STON2: variants seen among roughly 807,000 people sequenced by gnomAD.
The protein encoded by STON2 is stonin 2.
STON2 carries 29 observed loss-of-function variants against 65.7 expected under a neutral mutation model. The observed-to-expected ratio is 0.44, with a 90% confidence interval of 0.33 to 0.60. The LOEUF is 0.60. STON2 is among the 20% of genes least tolerant of loss of function. The probability of loss-of-function intolerance (pLI) is 0.03; values close to 1 mark genes in which losing one functional copy is unlikely to be tolerated. For missense variants in STON2, 1,054 were observed against 1,118.1 expected, an observed-to-expected ratio of 0.94 and a Z score of 0.82; for synonymous variants, 404 against 414.2, an observed-to-expected ratio of 0.98 and a Z score of 0.30.
At chr14:81,358,579 A>C (rs75967111) in intron 4 of STON2, among the ~76,000 whole-genome samples, 1,825 of 152,314 alleles carry the variant, frequency 0.012, 41 homozygotes, top group African/African-American at 0.041. Flanking sequence ...AATTGATTAA[A>C]TTACTCAATA....
intron 5 of STON2, among the ~76,000 whole-genome samples, chr14:81,299,898 T>TTTTTTG (rs59997170): frequency 6.6e-6 from 1 of 151,428 alleles, no homozygotes; most frequent in African/African-American, 2.4e-5. Flanking sequence ...TTTTTTTTTT[T>TTTTTTG]AAATTGATCT....
chr14:81,339,973 T>C (rs371077448), intron 4 of STON2, among the ~76,000 whole-genome samples: 111 of 151,904 alleles, frequency 7.3e-4, no homozygotes, highest in African/African-American at 2.5e-3. Flanking sequence ...GCTAACACGA[T>C]GAAACCCCAT....
At chr14:81,385,384 C>T (rs1595427119) in intron 3 of STON2, among the ~76,000 whole-genome samples, 1 of 151,918 alleles carries the variant, frequency 6.6e-6, no homozygotes, top group African/African-American at 2.4e-5. Flanking sequence ...TTAAAGCAGG[C>T]CTCAGGAAAA....
At chr14:81,355,632 T>G (rs190236682) in intron 4 of STON2, among the ~76,000 whole-genome samples, 1 of 152,336 alleles carries the variant, frequency 6.6e-6, no homozygotes, top group East Asian at 1.9e-4. Context: ...ACCTTATAGG[T>G]ACTGATAAGT....
intron 5 of STON2, among the ~76,000 whole-genome samples, chr14:81,303,468 G>A (rs1046013634): frequency 3.9e-5 from 6 of 152,170 alleles, no homozygotes; most frequent in Non-Finnish European, 8.8e-5. Flanking sequence ...AGGCAGAAGT[G>A]CCCTTTGCCC....
chr14:81,347,511 CAAT>C (rs1897852564), intron 4 of STON2, among the ~76,000 whole-genome samples: 1 of 149,586 alleles, frequency 6.7e-6, no homozygotes, highest in Non-Finnish European at 1.5e-5. Flanking sequence ...GAATTAACAT[CAAT>C]TCTTCTCAAA....
chr14:81,323,540 C>G (rs909808743), intron 5 of STON2: 7 of 152,234 alleles, frequency 4.6e-5, no homozygotes, highest in Admixed American at 1.3e-4. Flanking sequence ...CTTGCATCTT[C>G]CGTTCCACAC....
In STON2 at chr14:81,268,286, T is replaced by C. The variant is rs1393139237; in HGVS notation, c.*128A>G. The C allele has an allele frequency of 1.6e-6, 2 of 1,214,170 alleles. No individual in the cohort carries two copies. The highest frequency in any genetic ancestry group is 3.2e-5 in the African/African-American group (2 of 63,112). 75.2% of individuals were successfully genotyped at this position (1,214,170 alleles called of 1,614,324 possible). A position where few individuals can be genotyped will look rare whatever the true frequency, so the allele number is the denominator to read the frequency against. On this transcript the variant is annotated 3_prime_UTR_variant, in exon 8 of 8. Transcript: ENST00000614646. ...GCAAACAGGAAGATCTGGTATACTG[T>C]TCCCAACATGCAGTGGCCACAGCAG...
intron 5 of STON2, among the ~76,000 whole-genome samples, chr14:81,314,403 A>T (rs1221389114): frequency 2.0e-5 from 3 of 152,250 alleles, no homozygotes; most frequent in Admixed American, 6.5e-5. Context: ...AAAGCTTTGA[A>T]AAATTGAATT....
intron 4 of STON2, among the ~76,000 whole-genome samples, chr14:81,339,468 A>G (rs1308920425): frequency 6.6e-6 from 1 of 152,042 alleles, no homozygotes; most frequent in Non-Finnish European, 1.5e-5. Context: ...ATCTCCAACC[A>G]TCACTGTGGG....
At chr14:81,273,645 C>T (rs532607189) in intron 6 of STON2, among the ~76,000 whole-genome samples, 2 of 152,030 alleles carry the variant, frequency 1.3e-5, no homozygotes, top group East Asian at 1.9e-4. Flanking sequence ...GGCTGGGCCC[C>T]GCCGGCGGGA....
intron 4 of STON2, among the ~76,000 whole-genome samples, chr14:81,357,418 G>A (rs1898288829): frequency 6.6e-6 from 1 of 151,996 alleles, no homozygotes; most frequent in African/African-American, 2.4e-5. Context: ...TGGAGAGGAT[G>A]TGGAGAAATA....
intron 7 of STON2, chr14:81,269,743 C>T (rs1894497889): frequency 1.0e-6 from 1 of 985,138 alleles, no homozygotes; most frequent in African/African-American, 1.7e-5. Flanking sequence ...CAAAATCCTT[C>T]TTTAACAAAC....
intron 4 of STON2, among the ~76,000 whole-genome samples, chr14:81,327,876 A>T (rs1897056444): frequency 6.6e-6 from 1 of 152,222 alleles, no homozygotes; most frequent in African/African-American, 2.4e-5. Context: ...CCTTCAGTCA[A>T]AGAGTGGTGA....
chr14:81,416,340 C>T (rs1439556944), intron 2 of STON2, among the ~76,000 whole-genome samples: 2 of 152,038 alleles, frequency 1.3e-5, no homozygotes, highest in African/African-American at 2.4e-5. Context: ...TCATGGCATT[C>T]AGGAAGTGAA....
At chr14:81,317,275 T>C (rs1012669152) in intron 5 of STON2, among the ~76,000 whole-genome samples, 1 of 152,068 alleles carries the variant, frequency 6.6e-6, no homozygotes, top group East Asian at 1.9e-4. Context: ...CACCAAGCCA[T>C]TCATGAGGGA....
At chr14:81,340,406 G>A (rs1318500890) in intron 4 of STON2, among the ~76,000 whole-genome samples, 1 of 152,160 alleles carries the variant, frequency 6.6e-6, no homozygotes, top group Non-Finnish European at 1.5e-5. Flanking sequence ...GTGGGTACAT[G>A]TGTCAAAACT....
Position 81,277,392 on chromosome 14 carries a change from A to G in STON2, c.2090T>C (p.Ile697Thr). Residue 697 changes from isoleucine (I) to threonine (T), a missense_variant, in exon 6 of 8, where the codon ATC becomes ACC. Transcript: ENST00000614646. ...ATGGAAACGGCACTCATGGAGCTTG[A>G]TCCACTTTGTGGTGGTGGTGGGCAT... is the stretch of plus-strand genomic sequence containing the variant. ...DIMPTTTTKW[I>T]KLHECRFHGC... is the part of the protein sequence containing the mutation. 1.2e-6 allele frequency: 2 copies of G among 1,614,184 alleles called. No individual in the cohort carries two copies. The highest frequency in any genetic ancestry group is 1.7e-6 in the Non-Finnish European group (2 of 1,180,036).
intron 2 of STON2, among the ~76,000 whole-genome samples, chr14:81,419,366 G>C (rs555570250): frequency 6.6e-4 from 101 of 152,236 alleles, no homozygotes; most frequent in African/African-American, 2.4e-3. Flanking sequence ...ATATATCACA[G>C]ATATTCTTAA....
Sources: allele counts gnomAD v4.1 joint callset (sites outside exome capture counted in the v4.1 genomes callset), GRCh38; gene constraint gnomAD v4.1.1; transcripts MANE v1.5; gene names NCBI Gene and HGNC (gene_info 2026-07-23, HGNC 2026-07-21).